Variants in L3MBTL4 observed in about 807,000 individuals in gnomAD.
L3MBTL4 encodes the protein lethal(3)malignant brain tumor-like protein 4.
Under a neutral mutation model 84.5 loss-of-function variants are expected in L3MBTL4, and 70 were observed. The observed-to-expected ratio is 0.83, with a 90% CI of 0.68 to 1.01. L3MBTL4 has a LOEUF of 1.01. Ranked by LOEUF, L3MBTL4 falls within the 50% of genes least tolerant of loss-of-function variation. L3MBTL4 has a pLI of 0.00. For synonymous variants in L3MBTL4, 274 were observed against 259.8 expected (o/e 1.05, Z -0.52); for missense variants, 715 against 754.8 (o/e 0.95, Z 0.62).
At chr18:6,079,973 A>G (rs1189370461) in intron 16 of L3MBTL4, 1 of 152,222 alleles carries the variant, frequency 6.6e-6, no homozygotes, top group Admixed American at 6.5e-5. Context: ...TGAAATCCAC[A>G]ATTCCTCCAA....
At chr18:6,131,861 A>T (rs2144539516) in intron 14 of L3MBTL4, among the ~76,000 whole-genome samples, 1 of 152,348 alleles carries the variant, frequency 6.6e-6, no homozygotes, top group African/African-American at 2.4e-5. Context: ...CAGCAGTAAA[A>T]ATATAAGAAA....
Position 6,163,567 on chromosome 18 carries a change from CA to C in L3MBTL4, c.1096+8260del, listed in dbSNP as rs1256097442. 3.3e-5 allele frequency among the ~76,000 whole-genome samples: 5 copies of C among 152,174 alleles called. No homozygotes were observed. The South Asian group carries it at 6.2e-4, about 19-fold the overall frequency. On this transcript the variant is annotated intron_variant, in intron 13 of 18. Coordinates refer to ENST00000317931, the MANE Select transcript of L3MBTL4 (RefSeq NM_001330559.2). Reference sequence around the variant, plus strand: ...AAAATCATAACCAACCAAAGACAGCCAATTACAAGTTGTCTTTCCCCCAAAT... The same window carrying C: ...AAAATCATAACCAACCAAAGACAGCCATTACAAGTTGTCTTTCCCCCAAAT...
chr18:5,972,892 G>GAGT (rs2052715711), intron 16 of L3MBTL4, among the ~76,000 whole-genome samples: 1 of 132,034 alleles, frequency 7.6e-6, no homozygotes, highest in African/African-American at 2.7e-5. Flanking sequence ...TAGAACAGAA[G>GAGT]AGAATAGAAT....
chr18:6,068,980 T>C (rs1334749923), intron 16 of L3MBTL4, among the ~76,000 whole-genome samples: 2 of 152,208 alleles, frequency 1.3e-5, no homozygotes, highest in African/African-American at 4.8e-5. Flanking sequence ...AGTGCTCTTC[T>C]GGGTCTAGAT....
At chr18:6,109,799 TGA>T (rs2059132363) in intron 14 of L3MBTL4, among the ~76,000 whole-genome samples, 1 of 152,290 alleles carries the variant, frequency 6.6e-6, no homozygotes, top group Admixed American at 6.5e-5. Context: ...TATTTAAAAA[TGA>T]GAGAGATTTT....
At chr18:6,289,417 A>G (rs2049744416) in intron 4 of L3MBTL4, among the ~76,000 whole-genome samples, 1 of 152,242 alleles carries the variant, frequency 6.6e-6, no homozygotes, top group African/African-American at 2.4e-5. Context: ...AATCTGTTTA[A>G]CAGCCATCTT....
intron 1 of L3MBTL4, among the ~76,000 whole-genome samples, chr18:6,322,452 A>AGGTT (rs1555728765): frequency 1.6e-5 from 2 of 125,922 alleles, no homozygotes; most frequent in East Asian, 2.4e-4. Flanking sequence ...GAAAGAAGGA[A>AGGTT]GGATGGAAGG....
At chr18:6,030,534 T>C in intron 16 of L3MBTL4, 1 of 902,620 alleles carries the variant, frequency 1.1e-6, no homozygotes, top group Non-Finnish European at 1.3e-6. Context: ...AGTCTCACTC[T>C]GTCGCCCAGG....
intron 13 of L3MBTL4, 75 bp downstream of exon 13, chr18:6,171,753 G>T (rs2043981136): frequency 2.5e-6 from 2 of 798,742 alleles, no homozygotes; most frequent in Non-Finnish European, 2.0e-6. Flanking sequence ...GCCTGTAATG[G>T]CATGAATAAG....
intron 4 of L3MBTL4, among the ~76,000 whole-genome samples, chr18:6,292,434 G>A (rs542718645): frequency 4.5e-4 from 69 of 152,192 alleles, no homozygotes; most frequent in African/African-American, 1.7e-3. Context: ...GATGACTGCC[G>A]ATGCCTATGA....
intron 1 of L3MBTL4, among the ~76,000 whole-genome samples, chr18:6,379,791 G>A (rs533367355): frequency 6.6e-6 from 1 of 152,218 alleles, no homozygotes; most frequent in South Asian, 2.1e-4. Context: ...TTTCTGTTTT[G>A]TCTCTGCCAG....
At chr18:6,134,923 C>T (rs2059987010) in intron 14 of L3MBTL4, among the ~76,000 whole-genome samples, 1 of 152,198 alleles carries the variant, frequency 6.6e-6, no homozygotes, top group Non-Finnish European at 1.5e-5. Context: ...GGGGCTCTGA[C>T]CCCACATTTC....
rs527298829 is a variant in L3MBTL4, at chr18:6,217,406, C to A, written c.785-1571G>T. On this transcript the variant is annotated intron_variant, in intron 10 of 18. Coordinates refer to ENST00000317931, the MANE Select transcript of L3MBTL4 (RefSeq NM_001330559.2). ...GCATGTGCTCCTTTGTGGTGAACATCTTTTGCTCTGCATTCCGAATGTGAG... is the reference window on the plus strand; with the variant it reads ...GCATGTGCTCCTTTGTGGTGAACATATTTTGCTCTGCATTCCGAATGTGAG... 1.1e-4 allele frequency among the ~76,000 whole-genome samples: 17 copies of A among 152,310 alleles called. 1 individual carries two copies. The highest frequency in any genetic ancestry group is 5.9e-4 in the Admixed American group (9 of 15,296).
intron 13 of L3MBTL4, among the ~76,000 whole-genome samples, chr18:6,146,990 C>T (rs996165143): frequency 3.3e-5 from 5 of 151,984 alleles, no homozygotes; most frequent in African/African-American, 7.2e-5. Flanking sequence ...TTTATGTTCT[C>T]GGTGAAACAG....
chr18:6,004,854 T>G (rs746629566), intron 16 of L3MBTL4, among the ~76,000 whole-genome samples: 1 of 151,934 alleles, frequency 6.6e-6, no homozygotes, highest in Non-Finnish European at 1.5e-5. Context: ...GGAGCGGCAA[T>G]GGGGAATTAT....
At chr18:6,327,033 G>A (rs555585974) in intron 1 of L3MBTL4, among the ~76,000 whole-genome samples, 22 of 152,238 alleles carry the variant, frequency 1.4e-4, no homozygotes, top group Admixed American at 7.8e-4. Context: ...GAAAAGAAAC[G>A]CACTATTACT....
chr18:6,389,635 G>A (rs971827976), intron 1 of L3MBTL4, among the ~76,000 whole-genome samples: 2 of 152,066 alleles, frequency 1.3e-5, no homozygotes, highest in Non-Finnish European at 2.9e-5. Context: ...GAAACCAAAA[G>A]TGAGCAGGAG....
intron 16 of L3MBTL4, among the ~76,000 whole-genome samples, chr18:5,973,491 A>C (rs1461878519): frequency 6.6e-6 from 1 of 152,196 alleles, no homozygotes; most frequent in Non-Finnish European, 1.5e-5. Context: ...ATATCCACTT[A>C]AAATTTGCAT....
intron 1 of L3MBTL4, among the ~76,000 whole-genome samples, chr18:6,358,950 G>A (rs980322491): frequency 6.6e-6 from 1 of 152,186 alleles, no homozygotes; most frequent in African/African-American, 2.4e-5. Flanking sequence ...TATGATTTCA[G>A]TTTATGAAAA....
Sources: allele counts gnomAD v4.1 joint callset (sites outside exome capture counted in the v4.1 genomes callset), GRCh38; gene constraint gnomAD v4.1.1; transcripts MANE v1.5; gene names NCBI Gene and HGNC (gene_info 2026-07-23, HGNC 2026-07-21).